The following NFKBIZ variants were observed in gnomAD, a reference collection of about 807,000 sequenced individuals.
The protein encoded by NFKBIZ is NF-kappa-B inhibitor zeta.
In NFKBIZ, 19 loss-of-function variants were observed where a neutral mutation model predicts 76.8. The ratio of observed to expected loss-of-function variants is 0.25; its 90% CI spans 0.17 to 0.36. The LOEUF (loss-of-function observed/expected upper bound fraction) is 0.36. Among genes scored for constraint, NFKBIZ ranks in the 10% least tolerant of loss-of-function variants. The pLI is 1.00. For synonymous variants in NFKBIZ, 368 were observed against 354.8 expected (o/e 1.04, Z -0.42); for missense variants, 829 against 910.9 (o/e 0.91, Z 1.16).
At position 101,854,636 on chromosome 3, in the gene NFKBIZ, A is replaced by G. The variant is rs762765571; in HGVS notation, c.1396A>G (p.Lys466Glu). ...GGCACTTTCCTATGTTCTTGCAAGA[A>G]AGATGAATGCACTTCACATGCTGGA... The part of the protein sequence containing the change: ...RRALSYVLAR[K>E]MNALHMLDIK... The change falls in exon 6 of 12, where the codon AAG becomes GAG. Residue 466 changes from lysine (K) to glutamate (E), a missense_variant. Around this residue, in one of 4 missense-constraint regions of NFKBIZ, gnomAD observed 272 missense variants for 384.2 expected, o/e 0.71. Transcript: ENST00000326172. 4.3e-6 allele frequency: 7 copies of G among 1,614,130 alleles called. No homozygotes were observed. The highest frequency in any genetic ancestry group is 5.9e-6 in the Non-Finnish European group (7 of 1,180,004).
intron 9 of NFKBIZ, 106 bp downstream of exon 9, chr3:101,856,008 A>G: frequency 8.8e-7 from 1 of 1,138,516 alleles, no homozygotes; most frequent in East Asian, 2.6e-5. Context: ...TTTTTTCTGA[A>G]ATTAATGGTG....
intron 2 of NFKBIZ, among the ~76,000 whole-genome samples, chr3:101,834,054 T>C (rs1008478200): frequency 2.0e-5 from 3 of 152,178 alleles, no homozygotes; most frequent in African/African-American, 7.2e-5. Flanking sequence ...TTTTAGATTC[T>C]TTCTTGAAAT....
chr3:101,856,967 T>C, intron 9 of NFKBIZ, 106 bp from the exon 10 acceptor site: 2 of 756,600 alleles, frequency 2.6e-6, no homozygotes, highest in Admixed American at 2.4e-5. Flanking sequence ...TCAAAGTGAG[T>C]CTCTGAAGCT....
At chr3:101,830,508 T>C (rs530922803) in intron 2 of NFKBIZ, among the ~76,000 whole-genome samples, 2 of 152,314 alleles carry the variant, frequency 1.3e-5, no homozygotes, top group South Asian at 4.1e-4. Context: ...CTCAGTGTCT[T>C]TGTTGCCATC....
At position 101,857,201 on chromosome 3, in the gene NFKBIZ, T is replaced by C. The variant is rs757374289; in HGVS notation, c.1935+18T>C. ...ATGCAAAGGTACACCAGAGTTGGAATGGCCTTCTGTACACCCTCTCAAAGT... is the reference window on the plus strand; with the variant it reads ...ATGCAAAGGTACACCAGAGTTGGAACGGCCTTCTGTACACCCTCTCAAAGT... On this transcript the variant is annotated intron_variant, in intron 10 of 11. Coordinates refer to ENST00000326172, the MANE Select transcript of NFKBIZ (RefSeq NM_031419.4). 1 of 1,612,304 alleles carries C rather than the reference T, an allele frequency of 6.2e-7. No homozygotes were observed. The highest frequency in any genetic ancestry group is 1.1e-5 in the South Asian group (1 of 91,040).
At chr3:101,854,275 G>A (rs1036282553) in intron 5 of NFKBIZ, among the ~76,000 whole-genome samples, 7 of 152,228 alleles carry the variant, frequency 4.6e-5, no homozygotes, top group Non-Finnish European at 8.8e-5. Context: ...TCAGTTCCTT[G>A]ACGTGTAAAA....
intron 2 of NFKBIZ, among the ~76,000 whole-genome samples, chr3:101,839,943 T>C (rs1052906306): frequency 2.6e-5 from 4 of 152,182 alleles, no homozygotes; most frequent in African/African-American, 7.2e-5. Flanking sequence ...TTTTGAACTA[T>C]GTATTACTGT....
At chr3:101,830,008 C>T (rs1942626205) in intron 2 of NFKBIZ, among the ~76,000 whole-genome samples, 2 of 152,126 alleles carry the variant, frequency 1.3e-5, no homozygotes, top group African/African-American at 4.8e-5. Context: ...TGCTTACTGA[C>T]AGTTTCAGGG....
Position 101,859,475 on chromosome 3 carries a change from T to G in NFKBIZ, c.*104T>G. 1 of 872,826 alleles carries G rather than the reference T, an allele frequency of 1.1e-6. No individual in the cohort carries two copies. The highest frequency in any genetic ancestry group is 1.9e-6 in the Non-Finnish European group (1 of 534,162). The allele number at this position is 872,826 out of a possible 1,614,324, so 54.1% of individuals were successfully genotyped here. On this transcript the variant is annotated 3_prime_UTR_variant, in exon 12 of 12. Transcript: ENST00000326172. The stretch of plus-strand genomic sequence containing the variant: ...CCTTATATTGGCAAATGTAAGTTGT[T>G]TCTATGAAACAAACATATTTAGTTC...
chr3:101,853,416 A>C lies in NFKBIZ; in HGVS notation c.890A>C (p.Glu297Ala). Residue 297 changes from glutamate (E) to alanine (A), a missense_variant, in exon 5 of 12, where the codon GAG becomes GCG. Around this residue, in one of 4 missense-constraint regions of NFKBIZ, gnomAD observed 371 missense variants for 332.3 expected, o/e 1.12. Coordinates refer to ENST00000326172, the MANE Select transcript of NFKBIZ (RefSeq NM_031419.4). ...TATTCTCCACAGAACCAGCATGTAG[A>C]GCAGCAGCCACACTACACCCACAAA... ...YQYSPQNQHV[E>A]QQPHYTHKPT... 6.2e-7 allele frequency: 1 copy of C among 1,614,156 alleles called. No homozygotes were observed. Among genetic ancestry groups the C allele is most frequent in the Non-Finnish European group, 8.5e-7 (1 of 1,180,020 alleles).
At chr3:101,829,224 T>C (rs1284783297) in intron 1 of NFKBIZ, among the ~76,000 whole-genome samples, 2 of 152,204 alleles carry the variant, frequency 1.3e-5, no homozygotes, top group Non-Finnish European at 2.9e-5. Flanking sequence ...GGTACAGGCG[T>C]GGAGCACTGC....
At chr3:101,852,019 G>A in intron 1 of NFKBIZ, 66 bp from the exon 2 acceptor site, 1 of 1,566,628 alleles carries the variant, frequency 6.4e-7, no homozygotes, top group Non-Finnish European at 8.6e-7. Context: ...TATACTTTTG[G>A]GATTATTAAC....
intron 7 of NFKBIZ, 87 bp downstream of exon 7, chr3:101,855,295 C>G: frequency 6.2e-7 from 1 of 1,602,238 alleles, no homozygotes; most frequent in South Asian, 1.1e-5. Flanking sequence ...TTGCCTGTTG[C>G]AATGATCTAT....
upstream of NFKBIZ, among the ~76,000 whole-genome samples, chr3:101,844,996 G>T (rs901935511): frequency 1.3e-5 from 2 of 152,044 alleles, no homozygotes; most frequent in Non-Finnish European, 2.9e-5. Context: ...GGCCGGGCAC[G>T]GTGGCTCACG....
exon 1 of NFKBIZ, chr3:101,828,158 G>C (rs973538381): frequency 6.6e-6 from 1 of 152,084 alleles, no homozygotes; most frequent in African/African-American, 2.4e-5. Flanking sequence ...TTACGTATTT[G>C]TGTGACTTGA....
intron 11 of NFKBIZ, among the ~76,000 whole-genome samples, 199 bp from the exon 12 acceptor site, chr3:101,859,119 C>A (rs1173788318): frequency 1.0e-5 from 1 of 100,500 alleles, no homozygotes; most frequent in Non-Finnish European, 2.3e-5. Context: ...TATAAGAGAT[C>A]TGAAATAAGT....
chr3:101,857,765 C>T (rs1162612657), intron 11 of NFKBIZ: 34 of 985,410 alleles, frequency 3.5e-5, no homozygotes, highest in Non-Finnish European at 4.1e-5. Flanking sequence ...TACCAAGGTT[C>T]CTGCAGATAC....
chr3:101,834,956 C>T (rs938024745), intron 2 of NFKBIZ, among the ~76,000 whole-genome samples: 2 of 152,190 alleles, frequency 1.3e-5, no homozygotes, highest in African/African-American at 4.8e-5. Context: ...CTCCTCTTCT[C>T]CTATGTTCTC....
upstream of NFKBIZ, among the ~76,000 whole-genome samples, chr3:101,844,834 C>T (rs923709300): frequency 2.0e-5 from 3 of 152,204 alleles, no homozygotes; most frequent in Non-Finnish European, 4.4e-5. Context: ...CTTTATTGGT[C>T]TTTCACCTAT....
Sources: allele counts gnomAD v4.1 joint callset (sites outside exome capture counted in the v4.1 genomes callset), GRCh38; gene constraint gnomAD v4.1.1; regional missense constraint gnomAD v4.1.1; transcripts MANE v1.5; gene names NCBI Gene and HGNC (gene_info 2026-07-23, HGNC 2026-07-21).